The following GBE1 variants were observed in gnomAD, a reference collection of about 807,000 sequenced individuals.
GBE1 encodes 1,4-alpha-glucan-branching enzyme.
Under a neutral mutation model 88.8 loss-of-function variants are expected in GBE1, and 70 were observed. The ratio of observed to expected loss-of-function variants is 0.79; its 90% CI spans 0.65 to 0.96. The LOEUF (loss-of-function observed/expected upper bound fraction) is 0.96, where lower values mean the gene tolerates loss of function less well. Among genes scored for constraint, GBE1 ranks in the 40% least tolerant of loss-of-function variants. The probability of loss-of-function intolerance (pLI) is 0.00; values close to 1 mark genes in which losing one functional copy is unlikely to be tolerated. For missense variants in GBE1, 872 were observed against 871.0 expected (o/e 1.00, Z -0.01); for synonymous variants, 284 against 300.1 (o/e 0.95, Z 0.56).
chr3:81,530,164 A>AT (rs1331048219), intron 14 of GBE1, among the ~76,000 whole-genome samples: 2 of 151,434 alleles, frequency 1.3e-5, no homozygotes, highest in African/African-American at 4.9e-5. Flanking sequence ...TTTCTGCTTG[A>AT]TTTTTTCAAA....
At chr3:81,524,515 C>T (rs1383631416) in intron 14 of GBE1, among the ~76,000 whole-genome samples, 3 of 151,600 alleles carry the variant, frequency 2.0e-5, no homozygotes. Context: ...GCTTTGATTG[C>T]CTATGCTTAG....
intron 2 of GBE1, among the ~76,000 whole-genome samples, chr3:81,694,230 A>G (rs1383623644): frequency 6.6e-6 from 1 of 151,986 alleles, no homozygotes; most frequent in Non-Finnish European, 1.5e-5. Flanking sequence ...TGAAAGAGAG[A>G]AGGAAAAGGA....
At chr3:81,571,010 C>A (rs989398193) in intron 12 of GBE1, among the ~76,000 whole-genome samples, 20 of 152,074 alleles carry the variant, frequency 1.3e-4, no homozygotes, top group Admixed American at 6.6e-5. Context: ...AGACAGTATA[C>A]ACTCAGGATC....
At chr3:81,527,230 T>A (rs865922945) in intron 14 of GBE1, among the ~76,000 whole-genome samples, 1 of 152,112 alleles carries the variant, frequency 6.6e-6, no homozygotes, top group Admixed American at 6.6e-5. Context: ...CAAGATGGAT[T>A]AAATATTTAC....
At chr3:81,551,681 A>C (rs1226688605) in intron 12 of GBE1, among the ~76,000 whole-genome samples, 1 of 152,156 alleles carries the variant, frequency 6.6e-6, no homozygotes, top group Non-Finnish European at 1.5e-5. Flanking sequence ...CTGATGTCTC[A>C]TGTCTCCCTA....
At chr3:81,739,115 T>C (rs898755691) in intron 1 of GBE1, among the ~76,000 whole-genome samples, 6 of 152,136 alleles carry the variant, frequency 3.9e-5, no homozygotes, top group Non-Finnish European at 8.8e-5. Flanking sequence ...ACCCTCAGGA[T>C]CTAAACACCG....
chr3:81,553,655 C>T (rs1576146373), intron 12 of GBE1, among the ~76,000 whole-genome samples: 1 of 122,556 alleles, frequency 8.2e-6, no homozygotes, highest in Non-Finnish European at 1.7e-5. Flanking sequence ...TGTTTCTTTA[C>T]AGATGCAAAA....
At chr3:81,728,985 G>A (rs1706152487) in intron 1 of GBE1, among the ~76,000 whole-genome samples, 1 of 151,572 alleles carries the variant, frequency 6.6e-6, no homozygotes, top group Non-Finnish European at 1.5e-5. Flanking sequence ...GCTTTTCTCT[G>A]TAGACAGCTA....
intron 1 of GBE1, among the ~76,000 whole-genome samples, chr3:81,729,096 GATT>G (rs1357821032): frequency 1.3e-5 from 2 of 152,144 alleles, no homozygotes; most frequent in Admixed American, 1.3e-4. Context: ...GTTTGGAACT[GATT>G]ATTATCTGTT....
intron 2 of GBE1, among the ~76,000 whole-genome samples, chr3:81,681,997 G>T (rs1705351702): frequency 6.6e-6 from 1 of 152,168 alleles, no homozygotes; most frequent in African/African-American, 2.4e-5. Flanking sequence ...GCAGTCCACA[G>T]AATGGGAGAA....
intron 7 of GBE1, among the ~76,000 whole-genome samples, chr3:81,614,206 C>T (rs575392600): frequency 1.7e-4 from 26 of 152,216 alleles, no homozygotes; most frequent in African/African-American, 6.0e-4. Flanking sequence ...GCATCTATCT[C>T]ATCTAATATT....
intron 10 of GBE1, among the ~76,000 whole-genome samples, chr3:81,584,615 G>A (rs1484310559): frequency 2.6e-5 from 4 of 151,498 alleles, no homozygotes; most frequent in Admixed American, 6.6e-5. Flanking sequence ...AAAACAGGAT[G>A]GTCATATCCT....
At chr3:81,707,110 T>A (rs1450350874) in intron 1 of GBE1, among the ~76,000 whole-genome samples, 1 of 152,006 alleles carries the variant, frequency 6.6e-6, no homozygotes, top group East Asian at 1.9e-4. Flanking sequence ...TAAATCCACA[T>A]ATTAAAAAGA....
At chr3:81,501,174 A>G (rs150818464) in intron 14 of GBE1, among the ~76,000 whole-genome samples, 1 of 152,328 alleles carries the variant, frequency 6.6e-6, no homozygotes, top group East Asian at 1.9e-4. Flanking sequence ...ACAACGAATG[A>G]TCAATTATGG....
chr3:81,597,484 T>A (rs577268555), intron 7 of GBE1, among the ~76,000 whole-genome samples: 12 of 131,814 alleles, frequency 9.1e-5, no homozygotes, highest in African/African-American at 3.0e-4. Context: ...TATCTCAAAA[T>A]ATATATATAT....
At chr3:81,541,511 T>C (rs1488684388) in intron 12 of GBE1, among the ~76,000 whole-genome samples, 1 of 150,232 alleles carries the variant, frequency 6.7e-6, no homozygotes, top group Non-Finnish European at 1.5e-5. Flanking sequence ...TGTGGTGGTA[T>C]TTAGGTGATG....
At chr3:81,758,695 G>A (rs1706636885) in intron 1 of GBE1, among the ~76,000 whole-genome samples, 1 of 152,174 alleles carries the variant, frequency 6.6e-6, no homozygotes, top group African/African-American at 2.4e-5. Context: ...TGCTATTTTG[G>A]GAGGTCATCA....
At chr3:81,493,040 T>G (rs1479346924) in intron 15 of GBE1, among the ~76,000 whole-genome samples, 1 of 152,128 alleles carries the variant, frequency 6.6e-6, no homozygotes, top group Non-Finnish European at 1.5e-5. Context: ...CTAGTCATAG[T>G]CTACATATTT....
intron 2 of GBE1, among the ~76,000 whole-genome samples, chr3:81,703,327 C>G (rs1040109893): frequency 6.6e-6 from 1 of 151,962 alleles, no homozygotes; most frequent in Non-Finnish European, 1.5e-5. Context: ...CCAAGCTAAT[C>G]TGAATTATCA....
Sources: gnomAD v4.1 joint callset for allele counts (sites outside exome capture counted in the v4.1 genomes callset) on GRCh38, gnomAD v4.1.1 for gene constraint, MANE v1.5 for transcripts, NCBI Gene and HGNC (gene_info 2026-07-23, HGNC 2026-07-21) for gene names.